The following LARGE1 variants were observed in gnomAD, a reference collection of about 807,000 sequenced individuals.
The protein encoded by LARGE1 is xylosyl- and glucuronyltransferase LARGE1.
LARGE1 carries 43 observed loss-of-function variants against 87.6 expected under a neutral mutation model. The observed-to-expected ratio is 0.49, with a 90% CI of 0.38 to 0.63. The LOEUF is 0.63. Ranked by LOEUF, LARGE1 falls within the 30% of genes least tolerant of loss-of-function variation. The probability of loss-of-function intolerance (pLI) is 0.00; values close to 1 mark genes in which losing one functional copy is unlikely to be tolerated. For synonymous variants in LARGE1, 434 were observed against 394.6 expected, an observed-to-expected ratio of 1.10 and a Z score of -1.18; for missense variants, 802 against 1,000.2, an observed-to-expected ratio of 0.80 and a Z score of 2.67.
At chr22:33,391,765 CTTTT>C (rs1034572374) in intron 7 of LARGE1, among the ~76,000 whole-genome samples, 4 of 63,852 alleles carry the variant, frequency 6.3e-5, no homozygotes, top group African/African-American at 1.1e-4. Flanking sequence ...TTCCTTTTTC[CTTTT>C]TTTTTTTTTT....
the LARGE1 span, among the ~76,000 whole-genome samples, chr22:33,147,535 T>C: frequency 2.5e-3 from 374 of 152,278 alleles, 6 homozygotes; most frequent in Non-Finnish European, 4.4e-4. Flanking sequence ...TGAAATAATT[T>C]TGGACTCACA....
chr22:33,536,904 C>T lies in LARGE1; in HGVS notation c.787+27944G>A, dbSNP rs529907638. Among the ~76,000 whole-genome samples the T allele has an allele frequency of 2.6e-4, 40 of 152,284 alleles. No homozygotes were observed. The East Asian group carries it at 4.6e-3, about 18-fold the overall frequency. On this transcript the variant is annotated intron_variant, in intron 6 of 14. Coordinates refer to ENST00000397394, the MANE Select transcript of LARGE1 (RefSeq NM_133642.5). ...TCAGCTCACTACAACCTCTGCCTCC[C>T]GGGTTCAAGCGATTTTCCTGCCTCA... is the stretch of plus-strand genomic sequence containing the variant.
At chr22:33,151,793 T>C in the LARGE1 span, among the ~76,000 whole-genome samples, 1 of 152,234 alleles carries the variant, frequency 6.6e-6, no homozygotes, top group African/African-American at 2.4e-5. Flanking sequence ...TTGGTTGTGG[T>C]ATATTATTCT....
chr22:33,799,960 A>G (rs1207854285), intron 1 of LARGE1, among the ~76,000 whole-genome samples: 4 of 152,204 alleles, frequency 2.6e-5, no homozygotes, highest in Admixed American at 2.6e-4. Context: ...GGCTCTATTT[A>G]GCCAGGAAAT....
At chr22:33,509,519 T>C (rs1308940329) in intron 6 of LARGE1, among the ~76,000 whole-genome samples, 2 of 152,076 alleles carry the variant, frequency 1.3e-5, no homozygotes, top group Non-Finnish European at 2.9e-5. Flanking sequence ...AGCACAATCA[T>C]ACCTCACTGT....
intron 3 of LARGE1, among the ~76,000 whole-genome samples, chr22:33,647,581 G>T (rs1282631261): frequency 6.6e-6 from 1 of 152,170 alleles, no homozygotes; most frequent in Non-Finnish European, 1.5e-5. Flanking sequence ...TACACTGATG[G>T]CCTCCAGACA....
intron 5 of LARGE1, among the ~76,000 whole-genome samples, chr22:33,574,090 T>A (rs1389719632): frequency 1.3e-5 from 2 of 151,900 alleles, no homozygotes; most frequent in Non-Finnish European, 2.9e-5. Flanking sequence ...GACATGGGAG[T>A]GAATGAATGC....
the LARGE1 span, among the ~76,000 whole-genome samples, chr22:33,107,296 G>T: frequency 2.0e-5 from 3 of 152,202 alleles, no homozygotes; most frequent in Non-Finnish European, 2.9e-5. Context: ...GCATGCAATG[G>T]CTCATGCCTG....
At chr22:33,772,007 G>A (rs934035674) in intron 1 of LARGE1, among the ~76,000 whole-genome samples, 1 of 152,144 alleles carries the variant, frequency 6.6e-6, no homozygotes, top group African/African-American at 2.4e-5. Flanking sequence ...CGTGGCTTCT[G>A]CATTAGCAGC....
Position 33,887,742 on chromosome 22 carries a change from GA to G in LARGE1, c.-83+32252del, listed in dbSNP as rs1167291092. ...ACAAGAGCAAGACTCCATCTCACAA[GA>G]AAAAAAAAAAAATCACCCAGTTGAT... On this transcript the variant is annotated intron_variant, in intron 1 of 14. Transcript: ENST00000397394. Among the ~76,000 whole-genome samples, 1,086 of 141,132 alleles carry G rather than the reference GA, an allele frequency of 7.7e-3. 12 individuals are homozygous for G. The highest frequency in any genetic ancestry group is 0.023 in the African/African-American group (873 of 38,656). The allele number at this position is 141,132 out of a possible 152,430, so 92.6% of individuals were successfully genotyped here.
chr22:33,849,990 A>C (rs2063542793), intron 1 of LARGE1, among the ~76,000 whole-genome samples: 1 of 152,186 alleles, frequency 6.6e-6, no homozygotes, highest in South Asian at 2.1e-4. Flanking sequence ...GGAGAGATTA[A>C]AGAAGGAGCC....
upstream of LARGE1, chr22:33,922,463 G>C (rs1292549896): frequency 6.6e-6 from 1 of 152,258 alleles, no homozygotes. Flanking sequence ...CCCCGGCTCC[G>C]GAGCGCTGTT....
chr22:33,546,250 T>C (rs1206090877), intron 6 of LARGE1, among the ~76,000 whole-genome samples: 1 of 152,204 alleles, frequency 6.6e-6, no homozygotes, highest in East Asian at 1.9e-4. Flanking sequence ...ACCACCTGAT[T>C]CCTTAGGGAA....
chr22:33,800,335 A>G (rs544297685), intron 1 of LARGE1, among the ~76,000 whole-genome samples: 1 of 152,366 alleles, frequency 6.6e-6, no homozygotes, highest in East Asian at 1.9e-4. Context: ...AACTATAATT[A>G]TCAAAATCAT....
intron 6 of LARGE1, among the ~76,000 whole-genome samples, chr22:33,561,616 T>C (rs950234476): frequency 3.9e-5 from 6 of 152,202 alleles, no homozygotes; most frequent in African/African-American, 4.8e-5. Flanking sequence ...AGTAAGCTAT[T>C]TGGCACCTAG....
chr22:33,377,706 C>A (rs1043746182), intron 9 of LARGE1, among the ~76,000 whole-genome samples: 2 of 152,172 alleles, frequency 1.3e-5, no homozygotes, highest in Admixed American at 6.5e-5. Context: ...TTCTGATAGT[C>A]CAATGAGACA....
At chr22:33,177,159 C>A (rs1201604831) in intron 11 of LARGE1, among the ~76,000 whole-genome samples, 5 of 151,974 alleles carry the variant, frequency 3.3e-5, no homozygotes, top group African/African-American at 1.2e-4. Flanking sequence ...CCTGTCGGGG[C>A]TGGGGGACTA....
intron 7 of LARGE1, among the ~76,000 whole-genome samples, chr22:33,425,385 A>T (rs1222945302): frequency 6.6e-6 from 1 of 152,218 alleles, no homozygotes; most frequent in African/African-American, 2.4e-5. Context: ...CTCACCACAC[A>T]CTAGAATGGC....
the LARGE1 span, among the ~76,000 whole-genome samples, chr22:33,124,456 C>T: frequency 1.3e-5 from 2 of 150,618 alleles, no homozygotes; most frequent in African/African-American, 4.9e-5. Context: ...GTTAGCAGCT[C>T]TTTGGTATTA....
Sources: gnomAD v4.1 joint callset for allele counts (sites outside exome capture counted in the v4.1 genomes callset) on GRCh38, gnomAD v4.1.1 for gene constraint, MANE v1.5 for transcripts, NCBI Gene and HGNC (gene_info 2026-07-23, HGNC 2026-07-21) for gene names.